The following CCDC63 variants were observed in gnomAD, a reference collection of about 807,000 sequenced individuals.
CCDC63 encodes coiled-coil domain-containing protein 63.
CCDC63 carries 54 observed loss-of-function variants against 63.6 expected under a neutral mutation model. That is an observed-to-expected ratio of 0.85 (90% CI 0.68 to 1.07). CCDC63 has a LOEUF of 1.07. Among genes scored for constraint, CCDC63 ranks in the 50% least tolerant of loss-of-function variants. The pLI is 0.00. For synonymous variants in CCDC63, 253 were observed against 266.1 expected (o/e 0.95, Z 0.48); for missense variants, 637 against 689.6 (o/e 0.92, Z 0.86).
intron 4 of CCDC63, among the ~76,000 whole-genome samples, chr12:110,861,542 ACCT>A (rs1243887844): frequency 6.8e-6 from 1 of 147,910 alleles, no homozygotes; most frequent in Non-Finnish European, 1.5e-5. Context: ...TTGCTTGGAG[ACCT>A]CCTATTTATC....
intron 4 of CCDC63, among the ~76,000 whole-genome samples, chr12:110,867,361 C>G (rs1417405553): frequency 3.3e-5 from 4 of 122,828 alleles, no homozygotes; most frequent in African/African-American, 9.7e-5. Flanking sequence ...CTGACCCCCC[C>G]ACCTCCCTCC....
intron 9 of CCDC63, among the ~76,000 whole-genome samples, chr12:110,898,686 A>G (rs1162925018): frequency 1.3e-5 from 2 of 152,122 alleles, no homozygotes; most frequent in African/African-American, 4.8e-5. Flanking sequence ...AGTGAAGCAA[A>G]ACTTACATTG....
intron 11 of CCDC63, among the ~76,000 whole-genome samples, chr12:110,905,232 C>A (rs948422681): frequency 2.0e-5 from 3 of 152,048 alleles, no homozygotes; most frequent in South Asian, 2.1e-4. Context: ...CAGGACCCAT[C>A]CTTGGCCCCT....
intron 4 of CCDC63, among the ~76,000 whole-genome samples, chr12:110,865,514 GA>G (rs1025474863): frequency 8.2e-6 from 1 of 121,610 alleles, no homozygotes; most frequent in Non-Finnish European, 1.8e-5. Context: ...AAAGAAAAAA[GA>G]AAAAAAATTG....
rs1362069011 is a variant in CCDC63, at chr12:110,899,008, C to G, written c.1225C>G (p.Leu409Val). Reference protein sequence around the residue: ...KYGEVSKTLDLLKNSVEKLFK... With the variant: ...KYGEVSKTLDVLKNSVEKLFK... ...CGGGGAGGTCAGCAAGACCTTGGAT[C>G]TATTGAAGAACTCAGTGGAGAAACT... is the stretch of plus-strand genomic sequence containing the variant. The change falls in exon 10 of 12, where the codon CTA becomes GTA. Residue 409 changes from leucine to valine, a missense_variant. Physicochemically the swap from Leu to Val is conservative, Grantham distance 32. Coordinates refer to ENST00000308208, the MANE Select transcript of CCDC63 (RefSeq NM_152591.3). The G allele has an allele frequency of 6.2e-7, 1 of 1,613,480 alleles. No homozygotes were observed. The highest frequency in any genetic ancestry group is 2.2e-5 in the East Asian group (1 of 44,864).
chr12:110,899,559 A>T (rs1378925161), intron 10 of CCDC63, among the ~76,000 whole-genome samples: 2 of 151,960 alleles, frequency 1.3e-5, no homozygotes, highest in Non-Finnish European at 2.9e-5. Context: ...TGCTCAAGTG[A>T]TCCGCCCTCC....
chr12:110,888,852 TCCTTCCTTC>T (rs1249538283), intron 8 of CCDC63, among the ~76,000 whole-genome samples: 1 of 122,346 alleles, frequency 8.2e-6, no homozygotes, highest in Non-Finnish European at 1.7e-5. Context: ...CTTCCTTCCT[TCCTTCCTTC>T]GTTTTTCTTT....
intron 10 of CCDC63, among the ~76,000 whole-genome samples, chr12:110,899,367 G>A (rs1045451900): frequency 2.0e-5 from 3 of 152,132 alleles, no homozygotes; most frequent in Admixed American, 6.6e-5. Context: ...TGTCCAGGCT[G>A]GAGTGCAGTG....
intron 4 of CCDC63, among the ~76,000 whole-genome samples, chr12:110,871,502 CCTTT>C (rs79024947): frequency 0.058 from 8,706 of 150,962 alleles, 349 homozygotes; most frequent in Non-Finnish European, 0.083. Context: ...TTCCTTCCTT[CCTTT>C]CTTTCTTTCC....
At chr12:110,885,423 AC>A (rs1422894504) in intron 8 of CCDC63, among the ~76,000 whole-genome samples, 4 of 152,190 alleles carry the variant, frequency 2.6e-5, no homozygotes, top group African/African-American at 9.7e-5. Context: ...ACACACCAGT[AC>A]ATAAATAAAC....
chr12:110,884,757 G>T (rs1025737615), intron 8 of CCDC63, among the ~76,000 whole-genome samples: 9 of 151,852 alleles, frequency 5.9e-5, no homozygotes, highest in Non-Finnish European at 1.3e-4. Context: ...CATGATCTTG[G>T]TTCACTGCAA....
chr12:110,873,103 G>A (rs541311052), intron 4 of CCDC63, among the ~76,000 whole-genome samples: 1 of 152,262 alleles, frequency 6.6e-6, no homozygotes, highest in African/African-American at 2.4e-5. Flanking sequence ...AGGCATGGCG[G>A]TGCATGCCTT....
At chr12:110,856,248 G>A (rs188996294) in intron 3 of CCDC63, among the ~76,000 whole-genome samples, 13 of 151,958 alleles carry the variant, frequency 8.6e-5, no homozygotes, top group African/African-American at 3.1e-4. Context: ...ACCATGCCTG[G>A]CTAATTTTTG....
In CCDC63 at chr12:110,858,639, G is replaced by C; in HGVS notation, c.233G>C (p.Ser78Thr). ...TEQDEITLLLSLMKSSRNMNR... is the reference protein window; with the variant it reads ...TEQDEITLLLTLMKSSRNMNR... Reference sequence around the variant, plus strand: ...CAGGATGAGATCACCCTACTGTTGAGTCTCATGAAATCCTCGAGGAACATG... The same window carrying C: ...CAGGATGAGATCACCCTACTGTTGACTCTCATGAAATCCTCGAGGAACATG... The change falls in exon 4 of 12, where the codon AGT (serine) becomes ACT (threonine). Residue 78 changes from serine (S) to threonine (T), a missense_variant. By Grantham distance (58) the Ser-to-Thr change is moderately conservative. Coordinates refer to ENST00000308208, the MANE Select transcript of CCDC63 (RefSeq NM_152591.3). The C allele has an allele frequency of 6.2e-7, 1 of 1,614,064 alleles. No individual in the cohort carries two copies. The highest frequency in any genetic ancestry group is 8.5e-7 in the Non-Finnish European group (1 of 1,179,978).
intron 10 of CCDC63, among the ~76,000 whole-genome samples, chr12:110,904,065 G>A (rs900483403): frequency 6.6e-6 from 1 of 152,162 alleles, no homozygotes; most frequent in African/African-American, 2.4e-5. Flanking sequence ...TATACATTAA[G>A]AAGTCAGAAG....
upstream of CCDC63, among the ~76,000 whole-genome samples, chr12:110,846,371 A>C (rs1034598080): frequency 6.6e-6 from 1 of 152,160 alleles, no homozygotes; most frequent in Non-Finnish European, 1.5e-5. Flanking sequence ...TTAAACCACT[A>C]AACTCCGTTA....
intron 1 of CCDC63, among the ~76,000 whole-genome samples, chr12:110,849,201 T>C (rs2070675626): frequency 6.6e-6 from 1 of 152,234 alleles, no homozygotes; most frequent in African/African-American, 2.4e-5. Context: ...CCATGTCAGT[T>C]AGGAATGCTT....
At position 110,873,827 on chromosome 12, in the gene CCDC63, C is replaced by T; in HGVS notation, c.370-15C>T. 2 of 1,611,692 alleles carry T rather than the reference C, an allele frequency of 1.2e-6. No homozygotes were observed. Among genetic ancestry groups the T allele is most frequent in the South Asian group, 1.1e-5 (1 of 90,794 alleles). On this transcript the variant is annotated splice_polypyrimidine_tract_variant and intron_variant, in intron 4 of 11. Coordinates refer to ENST00000308208, the MANE Select transcript of CCDC63 (RefSeq NM_152591.3). Reference sequence around the variant, plus strand: ...GCTAACACAGCTGGAATTTCTCTCTCTCTCTCTTTTTCAGATTCTTCAGAT... The same window carrying T: ...GCTAACACAGCTGGAATTTCTCTCTTTCTCTCTTTTTCAGATTCTTCAGAT...
chr12:110,862,817 G>A (rs2070875811), intron 4 of CCDC63, among the ~76,000 whole-genome samples: 1 of 150,898 alleles, frequency 6.6e-6, no homozygotes, highest in Non-Finnish European at 1.5e-5. Flanking sequence ...GTGCAGTGGT[G>A]TGATCTCAGC....
Sources: gnomAD v4.1 joint callset for allele counts (sites outside exome capture counted in the v4.1 genomes callset) on GRCh38, gnomAD v4.1.1 for gene constraint, MANE v1.5 for transcripts, NCBI Gene and HGNC (gene_info 2026-07-23, HGNC 2026-07-21) for gene names.